Variants in MAF observed in about 807,000 individuals in gnomAD.
MAF encodes MAF bZIP transcription factor, also known as transcription factor Maf.
In MAF, 10 loss-of-function variants were observed where a neutral mutation model predicts 22.0. The observed-to-expected ratio is 0.45, with a 90% CI of 0.28 to 0.77. The LOEUF (loss-of-function observed/expected upper bound fraction) is 0.77, where lower values mean the gene tolerates loss of function less well. Ranked by LOEUF, MAF falls within the 30% of genes least tolerant of loss-of-function variation. The pLI, the probability that MAF is intolerant of heterozygous loss-of-function variation, is 0.12. For synonymous variants in MAF, 337 were observed against 255.8 expected (o/e 1.32, Z -3.03); for missense variants, 544 against 548.4 (o/e 0.99, Z 0.08).
At chr16:79,254,089 C>T in the MAF span, among the ~76,000 whole-genome samples, 10 of 151,594 alleles carry the variant, frequency 6.6e-5, no homozygotes, top group Admixed American at 1.3e-4. Flanking sequence ...AAATAAAATG[C>T]GTCATGCACA....
At chr16:79,524,533 C>G in the MAF span, among the ~76,000 whole-genome samples, 1 of 152,228 alleles carries the variant, frequency 6.6e-6, no homozygotes, top group South Asian at 2.1e-4. Flanking sequence ...TTTCTAGGAA[C>G]AGCAGCAGAA....
At chr16:79,417,603 G>C in the MAF span, among the ~76,000 whole-genome samples, 220 of 152,206 alleles carry the variant, frequency 1.4e-3, no homozygotes, top group African/African-American at 4.9e-3. Flanking sequence ...GGCGAGCAGA[G>C]GTTTGGAGGC....
chr16:79,557,133 CCAA>C, the MAF span, among the ~76,000 whole-genome samples: 1 of 151,642 alleles, frequency 6.6e-6, no homozygotes, highest in Admixed American at 6.6e-5. Context: ...CTCTTCTCAG[CCAA>C]CACTCCTTTC....
chr16:79,205,061 C>G, the MAF span: 1 of 152,196 alleles, frequency 6.6e-6, no homozygotes, highest in Non-Finnish European at 1.5e-5. Context: ...TTTGGGATGG[C>G]TGCACCGTAA....
the MAF span, among the ~76,000 whole-genome samples, chr16:79,571,868 G>C: frequency 3.9e-5 from 6 of 152,212 alleles, no homozygotes; most frequent in Middle Eastern, 3.4e-3. Flanking sequence ...TTTTGTCCCT[G>C]CTTCCAGGAC....
the MAF span, among the ~76,000 whole-genome samples, chr16:79,442,362 T>A: frequency 1.3e-5 from 2 of 151,900 alleles, no homozygotes; most frequent in Admixed American, 1.3e-4. Flanking sequence ...CCTTTTATTT[T>A]ATTTATTTAT....
the MAF span, among the ~76,000 whole-genome samples, chr16:79,260,537 A>T: frequency 2.7e-5 from 4 of 145,512 alleles, no homozygotes; most frequent in African/African-American, 1.0e-4. Flanking sequence ...TAGGATGGAA[A>T]CACTATGAGA....
rs1486598761 is a variant in MAF, at chr16:79,594,497, G to C, written c.1175C>G (p.Pro392Arg). 6.4e-7 allele frequency: 1 copy of C among 1,567,184 alleles called. No homozygotes were observed. The highest frequency in any genetic ancestry group is 2.3e-5 in the East Asian group (1 of 42,990). The part of the protein sequence containing the change: ...PSVGYATFWK[P>R]QHRVLTSVFT... ...CACACTGGTAAGTACACGATGCTGG[G>C]GCTTCCAAAATGTGGCGTATCCCAC... The change falls in exon 2 of 2, where the codon CCC becomes CGC. Residue 392 changes from proline (P) to arginine (R), a missense_variant. By Grantham distance (103) the Pro-to-Arg change is moderately radical (BLOSUM62 -2). This residue lies in a region of MAF where 129 missense variants were observed against 113.6 expected (regional missense o/e 1.14). Transcript: ENST00000326043.
At chr16:79,471,075 A>G in the MAF span, among the ~76,000 whole-genome samples, 1 of 152,180 alleles carries the variant, frequency 6.6e-6, no homozygotes, top group Non-Finnish European at 1.5e-5. Context: ...TACCAGGTCC[A>G]TGCCATCTTT....
At chr16:79,584,165 T>C (rs1305593946), downstream of MAF, among the ~76,000 whole-genome samples, 1 of 152,190 alleles carries the variant, frequency 6.6e-6, no homozygotes, top group Non-Finnish European at 1.5e-5. Flanking sequence ...AGTTTTTATA[T>C]CCTAGCCTAG....
the MAF span, among the ~76,000 whole-genome samples, chr16:79,499,397 G>A: frequency 6.6e-6 from 1 of 152,206 alleles, no homozygotes; most frequent in Non-Finnish European, 1.5e-5. Flanking sequence ...CCCTCCATAG[G>A]GAGAGGCACT....
intron 1 of MAF, chr16:79,595,913 T>G: frequency 9.4e-7 from 1 of 1,059,624 alleles, no homozygotes; most frequent in Non-Finnish European, 1.1e-6. Flanking sequence ...CAAATGATCT[T>G]CAGTGTTAAA....
At chr16:79,596,856 A>C (rs1352959377) in intron 1 of MAF, 3 of 1,050,230 alleles carry the variant, frequency 2.9e-6, no homozygotes, top group East Asian at 5.5e-5. Flanking sequence ...TAACTGCATA[A>C]ATTTTATTAG....
intron 1 of MAF, among the ~76,000 whole-genome samples, chr16:79,586,229 G>C (rs1912832437): frequency 6.6e-6 from 1 of 152,152 alleles, no homozygotes; most frequent in Non-Finnish European, 1.5e-5. Context: ...TGGCAGCCTG[G>C]ATCAGCTTTG....
At chr16:79,219,548 C>CA in the MAF span, among the ~76,000 whole-genome samples, 629 of 64,702 alleles carry the variant, frequency 9.7e-3, 26 homozygotes, top group Middle Eastern at 0.022. Flanking sequence ...GACTCTGCCT[C>CA]AAAAAAAAAA....
the MAF span, among the ~76,000 whole-genome samples, chr16:79,463,842 C>G: frequency 6.6e-5 from 10 of 151,256 alleles, no homozygotes; most frequent in Middle Eastern, 3.4e-3. Flanking sequence ...TGGCTTCTTT[C>G]TAATTTAGTT....
chr16:79,486,333 C>T, the MAF span, among the ~76,000 whole-genome samples: 3 of 152,164 alleles, frequency 2.0e-5, no homozygotes, highest in Non-Finnish European at 4.4e-5. Flanking sequence ...TTTTCACTCA[C>T]ATTTTGAAAA....
At chr16:79,447,124 G>A in the MAF span, among the ~76,000 whole-genome samples, 3 of 152,066 alleles carry the variant, frequency 2.0e-5, no homozygotes, top group Non-Finnish European at 4.4e-5. Flanking sequence ...GTGTCTTTGG[G>A]GAGACTGTTA....
At chr16:79,449,136 A>T in the MAF span, among the ~76,000 whole-genome samples, 1 of 152,184 alleles carries the variant, frequency 6.6e-6, no homozygotes, top group South Asian at 2.1e-4. Context: ...ACAGTTCACA[A>T]TAGGGTTTGT....
Sources: gnomAD v4.1 joint callset for allele counts (sites outside exome capture counted in the v4.1 genomes callset) on GRCh38, gnomAD v4.1.1 for gene constraint, gnomAD v4.1.1 regional missense constraint, MANE v1.5 for transcripts, NCBI Gene and HGNC (gene_info 2026-07-23, HGNC 2026-07-21) for gene names.